The following SLC2A13 variants were observed in gnomAD, a reference collection of about 807,000 sequenced individuals.
SLC2A13 encodes the protein solute carrier family 2 member 13, also known as proton myo-inositol cotransporter.
A neutral mutation model predicts 64.4 loss-of-function variants in SLC2A13; 32 were observed. The ratio of observed to expected loss-of-function variants is 0.50; its 90% CI spans 0.37 to 0.67. SLC2A13 has a LOEUF of 0.67. SLC2A13 is among the 30% of genes least tolerant of loss of function. The probability of loss-of-function intolerance (pLI) is 0.00; values close to 1 mark genes in which losing one functional copy is unlikely to be tolerated. For missense variants in SLC2A13, 743 were observed against 829.2 expected (o/e 0.90, Z 1.28); for synonymous variants, 338 against 327.1 (o/e 1.03, Z -0.36).
chr12:39,937,351 G>T (rs951014275), intron 4 of SLC2A13, among the ~76,000 whole-genome samples: 2 of 152,160 alleles, frequency 1.3e-5, no homozygotes, highest in African/African-American at 2.4e-5. Flanking sequence ...CCTGCTACCT[G>T]TGTGTGTAAA....
At chr12:39,889,819 C>A (rs183093847) in intron 4 of SLC2A13, among the ~76,000 whole-genome samples, 216 of 152,196 alleles carry the variant, frequency 1.4e-3, no homozygotes, top group African/African-American at 5.1e-3. Flanking sequence ...TGTGAGCCAC[C>A]AGGCCTGGCC....
chr12:39,967,598 A>T (rs1387970306), intron 3 of SLC2A13, among the ~76,000 whole-genome samples: 1 of 152,240 alleles, frequency 6.6e-6, no homozygotes, highest in East Asian at 1.9e-4. Context: ...GGCTATTATA[A>T]ATTATTCCCA....
chr12:39,923,953 ATTC>A (rs1421473801), intron 4 of SLC2A13, among the ~76,000 whole-genome samples: 1 of 152,098 alleles, frequency 6.6e-6, no homozygotes, highest in African/African-American at 2.4e-5. Flanking sequence ...ACTGATTTTC[ATTC>A]TTTTCACTAA....
chr12:39,991,801 C>A (rs1479414806), intron 3 of SLC2A13, among the ~76,000 whole-genome samples: 2 of 81,084 alleles, frequency 2.5e-5, no homozygotes, highest in Admixed American at 1.1e-4. Context: ...ATTCTACTAT[C>A]TTTTTAAAAA....
At chr12:39,936,467 T>C (rs1221868406) in intron 4 of SLC2A13, among the ~76,000 whole-genome samples, 4 of 152,186 alleles carry the variant, frequency 2.6e-5, no homozygotes, top group African/African-American at 9.6e-5. Flanking sequence ...AGTGACTCTC[T>C]AGTTTCTGAT....
chr12:40,055,357 G>C (rs1265845108), intron 1 of SLC2A13, among the ~76,000 whole-genome samples: 1 of 152,160 alleles, frequency 6.6e-6, no homozygotes, highest in Non-Finnish European at 1.5e-5. Flanking sequence ...TTTCAACTCA[G>C]TGAAGTCTCC....
chr12:40,039,452 A>G (rs1455189645), intron 2 of SLC2A13, among the ~76,000 whole-genome samples: 1 of 152,168 alleles, frequency 6.6e-6, no homozygotes, highest in African/African-American at 2.4e-5. Context: ...TATTTGTGCC[A>G]TCTCTTATTC....
At chr12:39,764,879 A>G in intron 7 of SLC2A13, 21 bp from the exon 8 acceptor site, 1 of 1,606,512 alleles carries the variant, frequency 6.2e-7, no homozygotes, top group Non-Finnish European at 8.5e-7. Flanking sequence ...ATGCAATATA[A>G]GTATTAACTT....
chr12:39,993,798 G>A (rs1172194519), intron 3 of SLC2A13, among the ~76,000 whole-genome samples: 1 of 152,094 alleles, frequency 6.6e-6, no homozygotes. Flanking sequence ...GAAAAGGGTG[G>A]AGAAAATTCA....
At chr12:39,909,049 A>C (rs2136036543) in intron 4 of SLC2A13, among the ~76,000 whole-genome samples, 1 of 152,148 alleles carries the variant, frequency 6.6e-6, no homozygotes, top group East Asian at 1.9e-4. Flanking sequence ...AGCAGAGGCA[A>C]GTTGTGCTCA....
At chr12:40,095,998 G>C (rs1391594920) in intron 1 of SLC2A13, among the ~76,000 whole-genome samples, 3 of 151,900 alleles carry the variant, frequency 2.0e-5, no homozygotes, top group Non-Finnish European at 4.4e-5. Flanking sequence ...GCAGTGGCAC[G>C]ATCTCAGCTC....
intron 1 of SLC2A13, among the ~76,000 whole-genome samples, chr12:40,068,070 T>C (rs1165891747): frequency 6.6e-6 from 1 of 151,940 alleles, no homozygotes; most frequent in Non-Finnish European, 1.5e-5. Flanking sequence ...TGCCCAGCTA[T>C]TTATTTTTCG....
chr12:39,896,030 G>T lies in SLC2A13; in HGVS notation c.1035-24069C>A, dbSNP rs1411115520. Among the ~76,000 whole-genome samples, 26 of 122,792 alleles carry T rather than the reference G, an allele frequency of 2.1e-4. 2 individuals carry two copies. The highest frequency in any genetic ancestry group is 3.9e-4 in the Non-Finnish European group (23 of 58,574). The allele number at this position is 122,792 out of a possible 152,430, so 80.6% of individuals were successfully genotyped here. A position where few individuals can be genotyped will look rare whatever the true frequency, so the allele number is the denominator to read the frequency against. On this transcript the variant is annotated intron_variant, in intron 4 of 9. Coordinates refer to ENST00000280871, the MANE Select transcript of SLC2A13 (RefSeq NM_052885.4). The stretch of plus-strand genomic sequence containing the variant: ...TACATGTGTATATGTATACATACAT[G>T]CATATGTTTATATACGCATGTATAT...
At chr12:40,016,199 CA>C (rs1273922346) in intron 3 of SLC2A13, among the ~76,000 whole-genome samples, 1 of 150,256 alleles carries the variant, frequency 6.7e-6, no homozygotes, top group East Asian at 1.9e-4. Context: ...ACCACCCCCC[CA>C]AAAAAAAACT....
At chr12:39,895,058 G>A (rs1592251401) in intron 4 of SLC2A13, among the ~76,000 whole-genome samples, 1 of 152,032 alleles carries the variant, frequency 6.6e-6, no homozygotes, top group Non-Finnish European at 1.5e-5. Context: ...TTTTTGAGAT[G>A]GGGTCTCACT....
At chr12:39,999,297 C>T (rs368183251) in intron 3 of SLC2A13, among the ~76,000 whole-genome samples, 50 of 152,218 alleles carry the variant, frequency 3.3e-4, no homozygotes, top group African/African-American at 8.4e-4. Context: ...TGACTGCCCG[C>T]GGGGTCAGGC....
chr12:39,873,868 T>C (rs1235781411), intron 4 of SLC2A13, among the ~76,000 whole-genome samples: 5 of 152,166 alleles, frequency 3.3e-5, no homozygotes, highest in Admixed American at 2.6e-4. Context: ...TTCAGAAACC[T>C]GCATTCTAAT....
intron 5 of SLC2A13, among the ~76,000 whole-genome samples, chr12:39,869,898 A>G (rs533755837): frequency 6.6e-6 from 1 of 152,312 alleles, no homozygotes; most frequent in Admixed American, 6.5e-5. Flanking sequence ...AGTATTTGAA[A>G]TCCTATACAT....
chr12:39,954,056 C>T (rs1168114665), intron 3 of SLC2A13, among the ~76,000 whole-genome samples: 1 of 152,212 alleles, frequency 6.6e-6, no homozygotes, highest in Non-Finnish European at 1.5e-5. Flanking sequence ...TATCAGCTTT[C>T]CCTTTCTACA....
Sources: gnomAD v4.1 joint callset for allele counts (sites outside exome capture counted in the v4.1 genomes callset) on GRCh38, gnomAD v4.1.1 for gene constraint, MANE v1.5 for transcripts, NCBI Gene and HGNC (gene_info 2026-07-23, HGNC 2026-07-21) for gene names.